Variants in DCAF5 observed in about 807,000 individuals in gnomAD.
The protein encoded by DCAF5 is DDB1 and CUL4 associated factor 5, also known as DDB1- and CUL4-associated factor 5.
Under a neutral mutation model 80.7 loss-of-function variants are expected in DCAF5, and 9 were observed. The observed-to-expected ratio is 0.11, with a 90% CI of 0.07 to 0.19. The LOEUF (loss-of-function observed/expected upper bound fraction) is 0.19, where lower values mean the gene tolerates loss of function less well. DCAF5 is among the 10% of genes least tolerant of loss of function. DCAF5 has a pLI of 1.00. For missense variants in DCAF5, 842 were observed against 1,205.7 expected, an observed-to-expected ratio of 0.70 and a Z score of 4.47; for synonymous variants, 433 against 461.9, an observed-to-expected ratio of 0.94 and a Z score of 0.80.
Position 69,054,438 on chromosome 14 carries a change from T to C in DCAF5, c.2248A>G (p.Ser750Gly). 6.2e-7 allele frequency: 1 copy of C among 1,614,104 alleles called. No individual in the cohort carries two copies. The highest frequency in any genetic ancestry group is 1.1e-5 in the South Asian group (1 of 91,092). The part of the protein sequence containing the change: ...TPSNGPGHEH[S>G]SHAWAEVPEG... ...GGCACCTCTGCCCAAGCATGGCTGC[T>C]GTGCTCATGGCCTGGGCCATTGCTG... The change falls in exon 9 of 9, where the codon AGC becomes GGC. Residue 750 changes from serine (S) to glycine (G), a missense_variant. Ser to Gly is a moderately conservative substitution (Grantham distance 56, BLOSUM62 0). This residue lies in a region of DCAF5 where 607 missense variants were observed against 656.6 expected (regional missense o/e 0.92). Coordinates refer to ENST00000341516, the MANE Select transcript of DCAF5 (RefSeq NM_003861.3).
chr14:69,128,693 T>C (rs1595047151), intron 1 of DCAF5, among the ~76,000 whole-genome samples: 1 of 151,810 alleles, frequency 6.6e-6, no homozygotes, highest in East Asian at 1.9e-4. Context: ...ACTTGAACCC[T>C]GGAGGCGGAG....
intron 6 of DCAF5, 22 bp from the exon 7 acceptor site, chr14:69,075,433 A>AAT: frequency 6.1e-6 from 9 of 1,481,318 alleles, no homozygotes; most frequent in South Asian, 1.2e-5. Flanking sequence ...AAAAATATAT[A>AAT]GATAACATTA....
chr14:69,077,353 C>T (rs1282066922), intron 6 of DCAF5, among the ~76,000 whole-genome samples: 1 of 138,602 alleles, frequency 7.2e-6, no homozygotes, highest in Non-Finnish European at 1.6e-5. Flanking sequence ...AGGCATGCAC[C>T]ACGACATGTA....
chr14:69,089,953 G>A, intron 6 of DCAF5: 1 of 985,404 alleles, frequency 1.0e-6, no homozygotes, highest in Non-Finnish European at 1.2e-6. Context: ...CTTACATGTT[G>A]GCTAGAGGTC....
At chr14:69,109,453 A>C (rs1324697490) in intron 5 of DCAF5, among the ~76,000 whole-genome samples, 1 of 152,160 alleles carries the variant, frequency 6.6e-6, no homozygotes, top group African/African-American at 2.4e-5. Flanking sequence ...AGATCAAGAT[A>C]TAGAACCCCA....
Position 69,053,830 on chromosome 14 carries a change from T to C in DCAF5, c.*27A>G, listed in dbSNP as rs374913170. On this transcript the variant is annotated 3_prime_UTR_variant, in exon 9 of 9. Transcript: ENST00000341516. The stretch of plus-strand genomic sequence containing the variant: ...TTTTTTTTTTGTAAGGCTACTTTTG[T>C]AGCTTTTTGTTTTCCCTTTGTATTT... 3.2e-6 allele frequency: 5 copies of C among 1,558,604 alleles called. No homozygotes were observed. The highest frequency in any genetic ancestry group is 4.2e-5 in the Admixed American group (2 of 47,662).
rs1318010858 is a variant in DCAF5 at position 69,152,746 on chromosome 14, G to A, written c.214+19C>T. Reference sequence around the variant, plus strand: ...GGAGGGTGCGGGGAGGCGCGGGGAGGGGAAGGGGGTTGATTTACCTGAGAC... The same window carrying A: ...GGAGGGTGCGGGGAGGCGCGGGGAGAGGAAGGGGGTTGATTTACCTGAGAC... On this transcript the variant is annotated intron_variant, in intron 1 of 8. Transcript: ENST00000341516. This position sits in a 1 kb window ranked among gnomAD's most constrained non-coding sequence, Gnocchi z 4.1. 1.2e-6 allele frequency: 2 copies of A among 1,604,960 alleles called. No individual in the cohort carries two copies. The highest frequency in any genetic ancestry group is 1.7e-5 in the Admixed American group (1 of 59,606).
intron 5 of DCAF5, among the ~76,000 whole-genome samples, chr14:69,105,943 A>ATATATATATATATCTATC (rs1223858774): frequency 2.7e-5 from 2 of 74,172 alleles, no homozygotes; most frequent in African/African-American, 7.6e-5. Context: ...ATATATATAT[A>ATATATATATATATCTATC]TATCTCCTAT....
chr14:69,110,221 T>C (rs569611763), intron 5 of DCAF5, among the ~76,000 whole-genome samples: 1 of 146,748 alleles, frequency 6.8e-6, no homozygotes, highest in South Asian at 2.1e-4. Flanking sequence ...TTAATGTATG[T>C]ATTATGCTTT....
intron 1 of DCAF5, among the ~76,000 whole-genome samples, chr14:69,141,225 G>C (rs60384175): frequency 6.7e-6 from 1 of 149,016 alleles, no homozygotes; most frequent in Non-Finnish European, 1.5e-5. Flanking sequence ...TTTTCTACTA[G>C]AGGCATCCCA....
intron 2 of DCAF5, among the ~76,000 whole-genome samples, chr14:69,121,591 A>C (rs1273421698): frequency 6.6e-6 from 1 of 152,226 alleles, no homozygotes; most frequent in Non-Finnish European, 1.5e-5. Context: ...TCAGGGGAGG[A>C]CTAATGATCT....
chr14:69,121,663 A>G (rs138293272), intron 2 of DCAF5, among the ~76,000 whole-genome samples: 25 of 152,222 alleles, frequency 1.6e-4, no homozygotes, highest in African/African-American at 4.8e-4. Flanking sequence ...CAGTGGGAAA[A>G]TCTGCAGCTC....
intron 6 of DCAF5, among the ~76,000 whole-genome samples, chr14:69,080,367 G>A (rs2039056948): frequency 6.6e-6 from 1 of 152,020 alleles, no homozygotes; most frequent in Non-Finnish European, 1.5e-5. Flanking sequence ...GGGATACAAG[G>A]AAATATAAGC....
intron 5 of DCAF5, among the ~76,000 whole-genome samples, chr14:69,114,228 G>A (rs745727022): frequency 3.9e-5 from 6 of 152,106 alleles, no homozygotes; most frequent in Admixed American, 3.3e-4. Context: ...AGCAAAGTCC[G>A]TACAGATATT....
At chr14:69,092,444 T>C (rs1017723359) in intron 5 of DCAF5, among the ~76,000 whole-genome samples, 6 of 152,060 alleles carry the variant, frequency 3.9e-5, no homozygotes, top group African/African-American at 1.4e-4. Flanking sequence ...TAATGAGACT[T>C]TGTCTCTACA....
In DCAF5 at chr14:69,055,001, G is replaced by C. The variant is rs1196821668; in HGVS notation, c.1685C>G (p.Ser562Cys). The C allele has an allele frequency of 2.5e-6, 4 of 1,614,222 alleles. No homozygotes were observed. Among genetic ancestry groups the C allele is most frequent in the Non-Finnish European group, 2.5e-6 (3 of 1,180,030 alleles). Reference protein sequence around the residue: ...SPSPEDESSSSSSSSSSEDEE... With the variant: ...SPSPEDESSSCSSSSSSEDEE... ...ATCCTCAGAGCTGCTAGAGCTGCTG[G>C]AACTGCTGGATTCATCTTCGGGGCT... The change falls in exon 9 of 9, where the codon TCC becomes TGC. Residue 562 changes from serine to cysteine, a missense_variant. Physicochemically the swap from Ser to Cys is moderately radical, Grantham distance 112. This residue lies in a region of DCAF5 where 607 missense variants were observed against 656.6 expected (regional missense o/e 0.92). Transcript: ENST00000341516. The surrounding 1 kb of genome is among the most constrained non-coding windows in gnomAD (Gnocchi z 5.6).
intron 5 of DCAF5, among the ~76,000 whole-genome samples, chr14:69,102,054 A>G (rs1423196807): frequency 6.6e-6 from 1 of 151,560 alleles, no homozygotes; most frequent in African/African-American, 2.4e-5. Flanking sequence ...GCTACGCTAC[A>G]TTTATTTAAA....
chr14:69,099,670 T>C (rs1190756562), intron 5 of DCAF5, among the ~76,000 whole-genome samples: 1 of 152,138 alleles, frequency 6.6e-6, no homozygotes, highest in Non-Finnish European at 1.5e-5. Context: ...TGGCTGGGCA[T>C]GGTGGTTCAT....
In DCAF5 at chr14:69,055,747, A is replaced by G; in HGVS notation, c.1075-136T>C. On this transcript the variant is annotated intron_variant, in intron 8 of 8. Transcript: ENST00000341516. The surrounding 1 kb of genome is among the most constrained non-coding windows in gnomAD (Gnocchi z 5.6). The stretch of plus-strand genomic sequence containing the variant: ...TAACTAGGACTTGCTAACCAACTTA[A>G]AAATAAGTTCTTTACCAGACTGGAT... 1.1e-6 allele frequency: 1 copy of G among 893,996 alleles called. No individual in the cohort carries two copies. The highest frequency in any genetic ancestry group is 1.7e-5 in the South Asian group (1 of 58,040). The allele number at this position is 893,996 out of a possible 1,614,324, so 55.4% of individuals were successfully genotyped here. A position where few individuals can be genotyped will look rare whatever the true frequency, so the allele number is the denominator to read the frequency against.
Sources: allele counts gnomAD v4.1 joint callset (sites outside exome capture counted in the v4.1 genomes callset), GRCh38; gene constraint gnomAD v4.1.1; regional missense constraint gnomAD v4.1.1; non-coding constraint Gnocchi (gnomAD v3.1); transcripts MANE v1.5; gene names NCBI Gene and HGNC (gene_info 2026-07-23, HGNC 2026-07-21).